USP47: variants seen among roughly 807,000 people sequenced by gnomAD.
The protein encoded by USP47 is ubiquitin carboxyl-terminal hydrolase 47.
A neutral mutation model predicts 165.1 loss-of-function variants in USP47; 35 were observed. The ratio of observed to expected loss-of-function variants is 0.21; its 90% CI spans 0.16 to 0.28. USP47 has a LOEUF of 0.28. USP47 is among the 10% of genes least tolerant of loss of function. USP47 has a pLI of 1.00. For synonymous variants in USP47, 531 were observed against 544.5 expected (o/e 0.98, Z 0.35); for missense variants, 1,277 against 1,607.4 (o/e 0.79, Z 3.52).
At chr11:11,938,727 G>T (rs137992098) in intron 18 of USP47, among the ~76,000 whole-genome samples, 5 of 151,888 alleles carry the variant, frequency 3.3e-5, no homozygotes, top group Non-Finnish European at 7.4e-5. Context: ...TTTTAAGTGC[G>T]GCAATGCTGC....
intron 19 of USP47, among the ~76,000 whole-genome samples, chr11:11,941,396 G>A (rs554623490): frequency 6.6e-6 from 1 of 152,064 alleles, no homozygotes; most frequent in African/African-American, 2.4e-5. Context: ...AACATTTACT[G>A]AATAGGATAA....
chr11:11,864,381 CAT>C (rs1849554617), intron 1 of USP47, among the ~76,000 whole-genome samples: 1 of 152,020 alleles, frequency 6.6e-6, no homozygotes, highest in Admixed American at 6.6e-5. Context: ...ATACACATAA[CAT>C]AACATTTACT....
intron 1 of USP47, among the ~76,000 whole-genome samples, chr11:11,873,545 A>G (rs1850206537): frequency 6.6e-6 from 1 of 152,142 alleles, no homozygotes; most frequent in Non-Finnish European, 1.5e-5. Context: ...CATTTGATTT[A>G]CACACAATTC....
intron 11 of USP47, among the ~76,000 whole-genome samples, chr11:11,928,504 A>G (rs1854420545): frequency 6.6e-6 from 1 of 152,076 alleles, no homozygotes; most frequent in Non-Finnish European, 1.5e-5. Flanking sequence ...AATGCTTTTT[A>G]GGAAAAGAAT....
intron 1 of USP47, among the ~76,000 whole-genome samples, chr11:11,863,739 T>G (rs1849509177): frequency 6.6e-6 from 1 of 152,194 alleles, no homozygotes; most frequent in African/African-American, 2.4e-5. Flanking sequence ...AATGTTAACT[T>G]TTACATTGAA....
intron 21 of USP47, 138 bp from the exon 22 acceptor site, chr11:11,948,340 G>A (rs1168586337): frequency 2.4e-6 from 2 of 832,784 alleles, no homozygotes; most frequent in Non-Finnish European, 3.7e-6. Context: ...CTAGGTGCTG[G>A]GGATTCAGAG....
At chr11:11,843,675 TATC>T (rs1219982821) in intron 1 of USP47, among the ~76,000 whole-genome samples, 4 of 152,230 alleles carry the variant, frequency 2.6e-5, no homozygotes, top group African/African-American at 4.8e-5. Context: ...ATTAGAAAAA[TATC>T]ATATAGGTGG....
intron 1 of USP47, among the ~76,000 whole-genome samples, chr11:11,860,861 G>A (rs180858323): frequency 6.6e-6 from 1 of 152,298 alleles, no homozygotes; most frequent in African/African-American, 2.4e-5. Context: ...AAGGAGCAAG[G>A]CAGAGTGGGA....
chr11:11,936,432 G>T lies in USP47; in HGVS notation c.1999G>T (p.Val667Phe). The part of the protein sequence containing the change: ...DTPMGLLLGG[V>F]KSTYMFDLLL... ...ACCAATGGGGCTTCTACTAGGTGGCGTCAAGTCAACATATATGTTTGATCT... is the reference window on the plus strand; with the variant it reads ...ACCAATGGGGCTTCTACTAGGTGGCTTCAAGTCAACATATATGTTTGATCT... Residue 667 changes from valine (V) to phenylalanine (F), a missense_variant, in exon 17 of 28, where the codon GTC becomes TTC. Physicochemically the swap from Val to Phe is conservative, Grantham distance 50 (BLOSUM62 -1). Around this residue, in one of 4 missense-constraint regions of USP47, gnomAD observed 909 missense variants for 1,068.1 expected, o/e 0.85. Coordinates refer to ENST00000527733, the MANE Select transcript of USP47 (RefSeq NM_001282659.2). The T allele has an allele frequency of 6.2e-7, 1 of 1,609,598 alleles. No individual in the cohort carries two copies. Among genetic ancestry groups the T allele is most frequent in the Non-Finnish European group, 8.5e-7 (1 of 1,177,010 alleles).
At chr11:11,921,126 T>C (rs1231390089) in intron 10 of USP47, among the ~76,000 whole-genome samples, 1 of 151,944 alleles carries the variant, frequency 6.6e-6, no homozygotes. Flanking sequence ...CTTACAATAT[T>C]CCACTCTATT....
chr11:11,918,926 A>G (rs1304523868), intron 8 of USP47, among the ~76,000 whole-genome samples: 2 of 151,834 alleles, frequency 1.3e-5, no homozygotes, highest in Non-Finnish European at 2.9e-5. Context: ...GTTGTTTTTT[A>G]TAGAACTTTC....
chr11:11,915,138 G>A (rs1358659019), intron 8 of USP47, among the ~76,000 whole-genome samples: 1 of 152,118 alleles, frequency 6.6e-6, no homozygotes, highest in East Asian at 1.9e-4. Flanking sequence ...CCATGAAATA[G>A]TACTTAGCAA....
chr11:11,922,032 G>A (rs1853874589), intron 10 of USP47, among the ~76,000 whole-genome samples: 1 of 151,816 alleles, frequency 6.6e-6, no homozygotes, highest in Non-Finnish European at 1.5e-5. Context: ...TCAAAAGCCT[G>A]CATCTTAGAA....
chr11:11,930,755 T>G lies in USP47; in HGVS notation c.1651+4T>G. The G allele has an allele frequency of 6.2e-7, 1 of 1,602,994 alleles. No individual in the cohort carries two copies. The highest frequency in any genetic ancestry group is 8.5e-7 in the Non-Finnish European group (1 of 1,175,512). On this transcript the variant is annotated splice_donor_region_variant and intron_variant, in intron 14 of 27. Transcript: ENST00000527733. Reference sequence around the variant, plus strand: ...AAGGATCCAGCCAGAAATGCAAGTATGTTTACCTACAGTTATTTGATTTTA... The same window carrying G: ...AAGGATCCAGCCAGAAATGCAAGTAGGTTTACCTACAGTTATTTGATTTTA...
intron 3 of USP47, among the ~76,000 whole-genome samples, chr11:11,889,062 G>C (rs1851349197): frequency 6.6e-6 from 1 of 152,086 alleles, no homozygotes. Context: ...AAAATAGCAA[G>C]AATCATATAT....
chr11:11,882,429 ATATAT>A (rs1375638034), intron 2 of USP47, among the ~76,000 whole-genome samples: 1 of 152,158 alleles, frequency 6.6e-6, no homozygotes, highest in Non-Finnish European at 1.5e-5. Context: ...TTATTCCATA[ATATAT>A]TTGTTTTTTT....
At chr11:11,927,512 A>G (rs207471653) in intron 11 of USP47, among the ~76,000 whole-genome samples, 3 of 152,146 alleles carry the variant, frequency 2.0e-5, no homozygotes, top group African/African-American at 7.2e-5. Flanking sequence ...AAAGCCTAAA[A>G]TACTCACTCT....
chr11:11,897,024 CAG>C (rs1851891201), intron 4 of USP47, among the ~76,000 whole-genome samples: 2 of 151,168 alleles, frequency 1.3e-5, no homozygotes, highest in Non-Finnish European at 2.9e-5. Flanking sequence ...CTTGTTGAAA[CAG>C]ATGAAGTCAC....
chr11:11,934,008 A>C, intron 16 of USP47, 73 bp downstream of exon 16: 1 of 1,092,664 alleles, frequency 9.2e-7, no homozygotes, highest in East Asian at 2.4e-5. Context: ...AGTTTTTATA[A>C]TGGATAATAG....
Sources: allele counts gnomAD v4.1 joint callset (sites outside exome capture counted in the v4.1 genomes callset), GRCh38; gene constraint gnomAD v4.1.1; regional missense constraint gnomAD v4.1.1; transcripts MANE v1.5; gene names NCBI Gene and HGNC (gene_info 2026-07-23, HGNC 2026-07-21).